Variants in RTBDN observed in about 807,000 individuals in gnomAD.
RTBDN encodes the protein retbindin.
RTBDN carries 24 observed loss-of-function variants against 21.9 expected under a neutral mutation model. The observed-to-expected ratio is 1.10, with a 90% CI of 0.79 to 1.54. RTBDN has a LOEUF of 1.54. Among genes scored for constraint, RTBDN ranks in the 40% most tolerant of loss-of-function variants. The pLI is 0.00. For missense variants in RTBDN, 325 were observed against 315.2 expected, an observed-to-expected ratio of 1.03 and a Z score of -0.23; for synonymous variants, 141 against 125.9, an observed-to-expected ratio of 1.12 and a Z score of -0.80.
chr19:12,827,320 A>ATT (rs34634301), intron 4 of RTBDN, among the ~76,000 whole-genome samples: 2,182 of 120,308 alleles, frequency 0.018, 48 homozygotes, highest in Middle Eastern at 0.042. Flanking sequence ...TGTCCGATTA[A>ATT]TTTTTTTTTT....
chr19:12,825,703 C>G lies in RTBDN; in HGVS notation c.*3G>C. 6.4e-7 allele frequency: 1 copy of G among 1,561,128 alleles called. No homozygotes were observed. The highest frequency in any genetic ancestry group is 8.7e-7 in the Non-Finnish European group (1 of 1,154,368). ...GCTCCCCCAACTCAGGGCCACGCGT[C>G]CGCTAGGGGCCGCTGCCGCTTCCAC... is the stretch of plus-strand genomic sequence containing the variant. On this transcript the variant is annotated 3_prime_UTR_variant, in exon 6 of 6. Coordinates refer to ENST00000674343, the MANE Select transcript of RTBDN (RefSeq NM_001270441.2).
chr19:12,833,879 C>A, intron 1 of RTBDN: 1 of 388,762 alleles, frequency 2.6e-6, no homozygotes, highest in East Asian at 3.6e-5. Context: ...CCGCGGTCCC[C>A]GCGGCTTCTC....
At chr19:12,827,615 G>A (rs997707550) in intron 4 of RTBDN, among the ~76,000 whole-genome samples, 4 of 151,892 alleles carry the variant, frequency 2.6e-5, no homozygotes, top group Admixed American at 1.3e-4. Flanking sequence ...GAGCCACTAC[G>A]TCCGGCCCAT....
At chr19:12,833,714 C>A (rs886830249) in intron 1 of RTBDN, among the ~76,000 whole-genome samples, 1 of 146,678 alleles carries the variant, frequency 6.8e-6, no homozygotes, top group African/African-American at 2.5e-5. Context: ...CCAGGAGGCT[C>A]CGCCCCCCCG....
At chr19:12,827,206 T>G (rs1969343178) in intron 4 of RTBDN, among the ~76,000 whole-genome samples, 1 of 152,084 alleles carries the variant, frequency 6.6e-6, no homozygotes, top group Non-Finnish European at 1.5e-5. Flanking sequence ...CAAGCTGGAG[T>G]GCAGTGGCGT....
At chr19:12,827,000 C>G (rs1345834128) in intron 4 of RTBDN, 129 bp from the exon 5 acceptor site, 5 of 665,740 alleles carry the variant, frequency 7.5e-6, no homozygotes, top group African/African-American at 1.8e-5. Context: ...AGAACCACTC[C>G]CCTGCTAACT....
At chr19:12,834,972 G>C, upstream of RTBDN, 1 of 1,545,590 alleles carries the variant, frequency 6.5e-7, no homozygotes, top group Non-Finnish European at 8.9e-7. This position sits in a 1 kb window ranked among gnomAD's most constrained non-coding sequence, Gnocchi z 4.7. Flanking sequence ...AGCCTCCTTG[G>C]GGCTCAGCCC....
At position 12,830,244 on chromosome 19, in the gene RTBDN, C is replaced by T. The variant is rs1261709906; in HGVS notation, c.-18-247G>A. 4.0e-6 allele frequency: 5 copies of T among 1,246,862 alleles called. No homozygotes were observed. The highest frequency in any genetic ancestry group is 1.5e-5 in the African/African-American group (1 of 65,594). The allele number at this position is 1,246,862 out of a possible 1,614,324, so 77.2% of individuals were successfully genotyped here. A position where few individuals can be genotyped will look rare whatever the true frequency, so the allele number is the denominator to read the frequency against. ...CAGTGCCACCCCAACCAAGCTTAGA[C>T]CACAGTGGCCCTCCTCCCATCCAGC... On this transcript the variant is annotated intron_variant, in intron 1 of 5. Transcript: ENST00000674343. The surrounding 1 kb of genome is among the most constrained non-coding windows in gnomAD (Gnocchi z 4.2).
chr19:12,833,224 G>A (rs186830248), intron 1 of RTBDN, among the ~76,000 whole-genome samples: 22 of 152,228 alleles, frequency 1.4e-4, no homozygotes, highest in African/African-American at 5.1e-4. Context: ...CTGTGAAGAC[G>A]GGTCTCCTCA....
At chr19:12,833,995 C>G (rs1969670904) in intron 1 of RTBDN, 1 of 398,262 alleles carries the variant, frequency 2.5e-6, no homozygotes, top group African/African-American at 2.1e-5. Context: ...CATCCGCCGC[C>G]GGAGGCTGCA....
intron 1 of RTBDN, among the ~76,000 whole-genome samples, chr19:12,831,265 T>C (rs914051392): frequency 2.6e-5 from 4 of 152,200 alleles, no homozygotes; most frequent in African/African-American, 9.6e-5. Flanking sequence ...GCAGGATGTG[T>C]TTGTGTGCAC....
chr19:12,829,744 C>A, intron 2 of RTBDN, 67 bp downstream of exon 2: 1 of 1,522,370 alleles, frequency 6.6e-7, no homozygotes, highest in Non-Finnish European at 9.0e-7. Flanking sequence ...GAAATTCTAA[C>A]ATTGTCATGG....
chr19:12,833,288 G>C (rs1969642781), intron 1 of RTBDN, among the ~76,000 whole-genome samples: 1 of 152,102 alleles, frequency 6.6e-6, no homozygotes. Flanking sequence ...TAGAGGTCTC[G>C]TGGGTGGGGA....
At position 12,832,583 on chromosome 19, in the gene RTBDN, C is replaced by T. The variant is rs2145864909; in HGVS notation, c.-19+1906G>A. ...CGCGGACAGGAGCGCGCGAGACCAG[C>T]ACCAAGGAGAGCTCCCGCGGTCGCC... On this transcript the variant is annotated intron_variant, in intron 1 of 5. Transcript: ENST00000674343. 3 of 152,382 alleles carry T rather than the reference C, an allele frequency of 2.0e-5. No homozygotes were observed. In the Middle Eastern group the frequency reaches 0.01, roughly 515 times the overall value. The allele number at this position is 152,382 out of a possible 1,614,324, so 9.4% of individuals were successfully genotyped here.
chr19:12,826,629 G>A (rs1969310102), intron 5 of RTBDN, 146 bp downstream of exon 5: 7 of 721,434 alleles, frequency 9.7e-6, no homozygotes, highest in Non-Finnish European at 1.6e-5. Context: ...CGGAGGCGGA[G>A]GTTGCATCGA....
intron 4 of RTBDN, among the ~76,000 whole-genome samples, chr19:12,827,585 A>G (rs1303443369): frequency 1.3e-5 from 2 of 151,762 alleles, no homozygotes; most frequent in Admixed American, 6.6e-5. Flanking sequence ...GGCCTCCCAA[A>G]GTGCTGGGAT....
Position 12,825,822 on chromosome 19 carries a change from G to C in RTBDN, c.574C>G (p.Pro192Ala), listed in dbSNP as rs1247812211. 6.2e-7 allele frequency: 1 copy of C among 1,613,510 alleles called. No homozygotes were observed. Among genetic ancestry groups the C allele is most frequent in the East Asian group, 2.2e-5 (1 of 44,870 alleles). ...TCCCGGCCCCGTCGTCCTGGTCTGG[G>C]ACGAGGTACCGCGGAGATGGAGATG... is the stretch of plus-strand genomic sequence containing the variant. ...FNISISAVPR[P>A]RPGRRGREAP... Residue 192 changes from proline (P) to alanine (A), a missense_variant, in exon 6 of 6, where the codon CCC becomes GCC. Pro to Ala is a conservative substitution (Grantham distance 27, BLOSUM62 -1). Transcript: ENST00000674343.
chr19:12,829,219 T>G (rs1969456292), intron 2 of RTBDN, among the ~76,000 whole-genome samples: 1 of 152,082 alleles, frequency 6.6e-6, no homozygotes, highest in East Asian at 1.9e-4. Context: ...TTTTTTCTTT[T>G]GAGACAGGGC....
In RTBDN at chr19:12,829,937, C is replaced by T. The variant is rs375493520; in HGVS notation, c.43G>A (p.Val15Met). The T allele has an allele frequency of 1.5e-5, 24 of 1,614,148 alleles. 3 individuals are homozygous for T. The African/African-American group carries it at 2.0e-4, about 13-fold the overall frequency. Residue 15 changes from valine to methionine, a missense_variant, in exon 2 of 6, where the codon GTG (valine) becomes ATG (methionine). Coordinates refer to ENST00000674343, the MANE Select transcript of RTBDN (RefSeq NM_001270441.2). The part of the protein sequence containing the change: ...VHMRPIGLTW[V>M]LQLTLAWILL... ...ATCCATGCCAAGGTCAGTTGCAGCA[C>T]CCACGTCAGGCCGATGGGTCGCATG...
Sources: allele counts gnomAD v4.1 joint callset (sites outside exome capture counted in the v4.1 genomes callset), GRCh38; gene constraint gnomAD v4.1.1; non-coding constraint Gnocchi (gnomAD v3.1); transcripts MANE v1.5; gene names NCBI Gene and HGNC (gene_info 2026-07-23, HGNC 2026-07-21).